Variants in WWOX observed in about 807,000 individuals in gnomAD.
The protein encoded by WWOX is WW domain-containing oxidoreductase.
In WWOX, 69 loss-of-function variants were observed where a neutral mutation model predicts 46.2. The observed-to-expected ratio is 1.49, with a 90% CI of 1.23 to 1.82. WWOX has a LOEUF of 1.82. WWOX is among the 40% of genes most tolerant of loss of function. The pLI, the probability that WWOX is intolerant of heterozygous loss-of-function variation, is 0.00. For synonymous variants in WWOX, 359 were observed against 202.6 expected, an observed-to-expected ratio of 1.77 and a Z score of -6.56; for missense variants, 919 against 542.6, an observed-to-expected ratio of 1.69 and a Z score of -6.89.
chr16:79,206,424 T>C (rs1159051400), intron 8 of WWOX: 1 of 152,262 alleles, frequency 6.6e-6, no homozygotes, highest in East Asian at 1.9e-4. Context: ...GAGTTGCTTT[T>C]GATCTCTGAT....
At chr16:78,997,586 C>T (rs535656278) in intron 8 of WWOX, among the ~76,000 whole-genome samples, 9 of 152,228 alleles carry the variant, frequency 5.9e-5, no homozygotes, top group South Asian at 2.1e-4. Context: ...ATAAAATTGA[C>T]GCTCGTGTCA....
At chr16:78,922,644 G>A (rs187182209) in intron 8 of WWOX, among the ~76,000 whole-genome samples, 19 of 152,026 alleles carry the variant, frequency 1.2e-4, no homozygotes, top group Middle Eastern at 3.4e-3. Context: ...CTCCCAAAGT[G>A]CTGGGATTAC....
At chr16:78,590,148 C>CTCTCTCTG (rs1567664932) in intron 8 of WWOX, among the ~76,000 whole-genome samples, 1 of 149,550 alleles carries the variant, frequency 6.7e-6, no homozygotes, top group Admixed American at 6.6e-5. Flanking sequence ...GGCATTCAGT[C>CTCTCTCTG]TCTCTCTCTC....
intron 8 of WWOX, among the ~76,000 whole-genome samples, chr16:78,936,153 C>T (rs895887278): frequency 1.3e-5 from 2 of 152,020 alleles, no homozygotes; most frequent in Non-Finnish European, 2.9e-5. Context: ...AATGGTGGTC[C>T]ATGGACAGAA....
intron 8 of WWOX, among the ~76,000 whole-genome samples, chr16:78,830,282 A>G (rs954280756): frequency 2.0e-5 from 3 of 147,110 alleles, no homozygotes; most frequent in African/African-American, 7.5e-5. Context: ...CCCTTTGTGT[A>G]TGTTTAAAAT....
chr16:78,536,756 AG>A (rs1304865712), intron 8 of WWOX, among the ~76,000 whole-genome samples: 1 of 152,138 alleles, frequency 6.6e-6, no homozygotes, highest in Non-Finnish European at 1.5e-5. Context: ...GAGGAGGAGG[AG>A]GAAAAGGTGA....
intron 5 of WWOX, among the ~76,000 whole-genome samples, chr16:78,226,054 TG>T (rs1401432848): frequency 6.6e-6 from 1 of 152,216 alleles, no homozygotes; most frequent in Non-Finnish European, 1.5e-5. Context: ...CTTGGCATGT[TG>T]GCTCACTTGG....
chr16:78,842,231 C>G (rs1399981756), intron 8 of WWOX, among the ~76,000 whole-genome samples: 1 of 151,710 alleles, frequency 6.6e-6, no homozygotes, highest in Non-Finnish European at 1.5e-5. Context: ...CAGTGGCTCT[C>G]TCCTGTAATC....
chr16:78,443,752 T>C (rs533974187), intron 8 of WWOX, among the ~76,000 whole-genome samples: 1 of 152,216 alleles, frequency 6.6e-6, no homozygotes, highest in Non-Finnish European at 1.5e-5. Context: ...TTTGGTAATG[T>C]GCTGCCTCTT....
At chr16:78,650,415 G>A (rs536189225) in intron 8 of WWOX, among the ~76,000 whole-genome samples, 2 of 152,276 alleles carry the variant, frequency 1.3e-5, no homozygotes, top group South Asian at 2.1e-4. Flanking sequence ...TTTGTCACCT[G>A]TGTGAAATTG....
chr16:78,832,366 A>G (rs1365037964), intron 8 of WWOX, among the ~76,000 whole-genome samples: 2 of 152,160 alleles, frequency 1.3e-5, no homozygotes, highest in Admixed American at 1.3e-4. Context: ...TTTAAGCCCC[A>G]TTCTTAGACA....
chr16:78,476,169 A>G (rs1256194926), intron 8 of WWOX, among the ~76,000 whole-genome samples: 1 of 152,094 alleles, frequency 6.6e-6, no homozygotes, highest in Non-Finnish European at 1.5e-5. Flanking sequence ...GGAGCATCTA[A>G]CTGGTGTGAG....
At chr16:78,539,657 C>G (rs1039043683) in intron 8 of WWOX, among the ~76,000 whole-genome samples, 2 of 152,178 alleles carry the variant, frequency 1.3e-5, no homozygotes, top group African/African-American at 4.8e-5. Context: ...GCAAATTGTA[C>G]TTGCAGTGGC....
chr16:78,602,076 C>T (rs897212558), intron 8 of WWOX, among the ~76,000 whole-genome samples: 3 of 152,152 alleles, frequency 2.0e-5, no homozygotes, highest in East Asian at 1.9e-4. Flanking sequence ...AAATTAGAGT[C>T]TTATTTTAAA....
intron 8 of WWOX, among the ~76,000 whole-genome samples, chr16:78,944,329 A>G (rs1488621855): frequency 6.6e-6 from 1 of 152,082 alleles, no homozygotes; most frequent in Non-Finnish European, 1.5e-5. Context: ...TGTCTGTTTT[A>G]TGTACCATGC....
At chr16:78,188,277 C>A (rs994985746) in intron 5 of WWOX, among the ~76,000 whole-genome samples, 3 of 152,044 alleles carry the variant, frequency 2.0e-5, no homozygotes. Context: ...ATCACGAGGT[C>A]AGGAGATCGA....
intron 8 of WWOX, among the ~76,000 whole-genome samples, chr16:78,513,190 G>A (rs1567615326): frequency 6.6e-6 from 1 of 152,148 alleles, no homozygotes; most frequent in East Asian, 1.9e-4. Flanking sequence ...ATTTTTGGAA[G>A]GAGACAGGAT....
intron 5 of WWOX, among the ~76,000 whole-genome samples, chr16:78,318,680 C>T (rs1011048706): frequency 5.9e-5 from 9 of 152,066 alleles, no homozygotes; most frequent in Non-Finnish European, 1.2e-4. Context: ...ATGTTAAGTG[C>T]TTTTAGCTGT....
chr16:78,783,554 G>C (rs954960422), intron 8 of WWOX, among the ~76,000 whole-genome samples: 1 of 152,230 alleles, frequency 6.6e-6, no homozygotes, highest in Non-Finnish European at 1.5e-5. Flanking sequence ...GTAAGAGGTT[G>C]ATGTGTATGA....
Sources: allele counts gnomAD v4.1 joint callset (sites outside exome capture counted in the v4.1 genomes callset), GRCh38; gene constraint gnomAD v4.1.1; transcripts MANE v1.5; gene names NCBI Gene and HGNC (gene_info 2026-07-23, HGNC 2026-07-21).